Variants in SUCO observed in about 807,000 individuals in gnomAD.
SUCO encodes SUN domain-containing ossification factor.
A neutral mutation model predicts 148.1 loss-of-function variants in SUCO; 57 were observed. The ratio of observed to expected loss-of-function variants is 0.38; its 90% CI spans 0.31 to 0.48. The LOEUF is 0.48. Among genes scored for constraint, SUCO ranks in the 20% least tolerant of loss-of-function variants. The probability of loss-of-function intolerance (pLI) is 0.96; values close to 1 mark genes in which losing one functional copy is unlikely to be tolerated. For synonymous variants in SUCO, 470 were observed against 502.7 expected, an observed-to-expected ratio of 0.93 and a Z score of 0.87; for missense variants, 1,331 against 1,468.2, an observed-to-expected ratio of 0.91 and a Z score of 1.53.
intron 1 of SUCO, among the ~76,000 whole-genome samples, chr1:172,548,661 G>A (rs1653050332): frequency 6.6e-6 from 1 of 151,960 alleles, no homozygotes; most frequent in South Asian, 2.1e-4. Context: ...TTCCAGGCTT[G>A]GGATATTGTT....
At chr1:172,532,912 C>A, upstream of SUCO, 1 of 1,402,976 alleles carries the variant, frequency 7.1e-7, no homozygotes, top group Non-Finnish European at 9.5e-7. Flanking sequence ...AGCATCTGCT[C>A]CTGCGCTTTG....
chr1:172,568,305 T>TGCCCCC, intron 6 of SUCO: 2 of 905,996 alleles, frequency 2.2e-6, no homozygotes, highest in Non-Finnish European at 2.6e-6. Flanking sequence ...ATTCTTTGCT[T>TGCCCCC]CCCACCCACC....
chr1:172,607,263 G>A (rs966614008), intron 22 of SUCO, among the ~76,000 whole-genome samples: 2 of 151,834 alleles, frequency 1.3e-5, no homozygotes, highest in Non-Finnish European at 2.9e-5. Flanking sequence ...CTAGAATATA[G>A]GTTCTTATTT....
At chr1:172,597,039 G>T (rs749186906) in intron 19 of SUCO, among the ~76,000 whole-genome samples, 1 of 152,198 alleles carries the variant, frequency 6.6e-6, no homozygotes, top group Non-Finnish European at 1.5e-5. Context: ...ATCTCAGACT[G>T]CTGTGATAGC....
chr1:172,602,917 CTG>C (rs2149271197), intron 22 of SUCO, 130 bp downstream of exon 22: 2 of 740,728 alleles, frequency 2.7e-6, no homozygotes, highest in African/African-American at 3.5e-5. Context: ...TGTCTTTGTG[CTG>C]TGTCAAGCCA....
intron 9 of SUCO, 70 bp from the exon 10 acceptor site, chr1:172,573,821 G>T: frequency 1.2e-6 from 1 of 856,564 alleles, no homozygotes; most frequent in Non-Finnish European, 1.8e-6. Context: ...TATGGAAACT[G>T]TTAATGTCAT....
chr1:172,602,426 G>A (rs1039335740), intron 21 of SUCO: 2 of 983,358 alleles, frequency 2.0e-6, no homozygotes, highest in Non-Finnish European at 2.4e-6. Context: ...AACACTAATA[G>A]TAAGTGCATG....
chr1:172,535,432 A>G (rs1403359870), intron 1 of SUCO, among the ~76,000 whole-genome samples: 5 of 152,226 alleles, frequency 3.3e-5, no homozygotes, highest in Admixed American at 6.5e-5. Context: ...ATGATGATGA[A>G]TGAGATTGGG....
intron 19 of SUCO, among the ~76,000 whole-genome samples, chr1:172,596,684 G>A (rs1246200003): frequency 6.6e-6 from 1 of 152,210 alleles, no homozygotes; most frequent in African/African-American, 2.4e-5. Flanking sequence ...CATATGAGGT[G>A]TCAGTTGGCC....
Position 172,604,006 on chromosome 1 carries a change from A to G in SUCO, c.3265+1219A>G, listed in dbSNP as rs543261116. ...AAATGGGATTGGTGAATCATAGGGT[A>G]TGTGTGTGTTCAGCTTTAGTAAATA... On this transcript the variant is annotated intron_variant, in intron 22 of 23. Coordinates refer to ENST00000263688, the MANE Select transcript of SUCO (RefSeq NM_014283.5). Among the ~76,000 whole-genome samples, 25 of 152,084 alleles carry G rather than the reference A, an allele frequency of 1.6e-4. No individual in the cohort carries two copies. The East Asian group carries it at 4.6e-3, about 28-fold the overall frequency.
intron 19 of SUCO, among the ~76,000 whole-genome samples, chr1:172,594,074 T>A (rs1571276006): frequency 6.6e-6 from 1 of 152,318 alleles, no homozygotes; most frequent in East Asian, 1.9e-4. Context: ...GAGGTGTTTA[T>A]AGTATTCTCT....
At chr1:172,559,739 T>C (rs991935973) in intron 6 of SUCO, among the ~76,000 whole-genome samples, 2 of 152,180 alleles carry the variant, frequency 1.3e-5, no homozygotes, top group African/African-American at 2.4e-5. Flanking sequence ...GCAGTTGTTA[T>C]GGGAAGGGGT....
chr1:172,602,701 T>C lies in SUCO; in HGVS notation c.3179T>C (p.Phe1060Ser), dbSNP rs1558215068. The change falls in exon 22 of 24, where the codon TTC (phenylalanine) becomes TCC (serine). Residue 1060 changes from phenylalanine (F) to serine (S), a missense_variant. By Grantham distance (155) the Phe-to-Ser change is radical. Around this residue, in one of 3 missense-constraint regions of SUCO, gnomAD observed 334 missense variants for 352.3 expected, o/e 0.95. Transcript: ENST00000263688. Reference sequence around the variant, plus strand: ...TATTTTTCCTAATGTGTTAGGTGTTTCTCTTCCTATGATGATATGAATTTG... The same window carrying C: ...TATTTTTCCTAATGTGTTAGGTGTTCCTCTTCCTATGATGATATGAATTTG... Reference protein sequence around the residue: ...SNQYPSPKRCFSSYDDMNLKR... With the variant: ...SNQYPSPKRCSSSYDDMNLKR... The C allele has an allele frequency of 1.2e-6, 2 of 1,612,328 alleles. No individual in the cohort carries two copies. Among genetic ancestry groups the C allele is most frequent in the Non-Finnish European group, 1.7e-6 (2 of 1,179,472 alleles).
Position 172,589,849 on chromosome 1 carries a change from G to T in SUCO, c.2748G>T (p.Met916Ile), listed in dbSNP as rs750632255. 6.2e-7 allele frequency: 1 copy of T among 1,601,798 alleles called. No homozygotes were observed. The highest frequency in any genetic ancestry group is 1.1e-5 in the South Asian group (1 of 89,706). ...HGSNQKESVF[M>I]RLNNRIKALE... ...CAAACCAAAAGGAGTCAGTATTTATGAGACTTAATAATCGTATTAAAGCCT... is the reference window on the plus strand; with the variant it reads ...CAAACCAAAAGGAGTCAGTATTTATTAGACTTAATAATCGTATTAAAGCCT... The change falls in exon 18 of 24, where the codon ATG becomes ATT. Residue 916 changes from methionine (M) to isoleucine (I), a missense_variant. Transcript: ENST00000263688.
intron 1 of SUCO, 106 bp from the exon 2 acceptor site, chr1:172,551,406 A>G: frequency 3.3e-6 from 2 of 599,120 alleles, no homozygotes; most frequent in East Asian, 3.0e-5. Flanking sequence ...CTGTCTGTTT[A>G]TCGCCTCAAA....
chr1:172,536,292 G>C (rs1238494639), intron 1 of SUCO, among the ~76,000 whole-genome samples: 1 of 152,040 alleles, frequency 6.6e-6, no homozygotes, highest in Admixed American at 6.6e-5. Flanking sequence ...TATATATGTG[G>C]CTCCATCATT....
intron 17 of SUCO, among the ~76,000 whole-genome samples, chr1:172,587,034 C>T (rs1340120661): frequency 1.3e-5 from 2 of 151,894 alleles, no homozygotes; most frequent in African/African-American, 4.8e-5. Context: ...CACGCTATGT[C>T]GTATTTTTCA....
chr1:172,585,837 T>C, intron 16 of SUCO, 21 bp from the exon 17 acceptor site: 1 of 1,474,526 alleles, frequency 6.8e-7, no homozygotes, highest in Non-Finnish European at 9.3e-7. Flanking sequence ...AACTCAACAT[T>C]GGGCATCTTT....
At chr1:172,542,966 G>A in intron 1 of SUCO, 1 of 985,266 alleles carries the variant, frequency 1.0e-6, no homozygotes. Context: ...GAGAATAATA[G>A]AAGATATTTG....
Sources: gnomAD v4.1 joint callset for allele counts (sites outside exome capture counted in the v4.1 genomes callset) on GRCh38, gnomAD v4.1.1 for gene constraint, gnomAD v4.1.1 regional missense constraint, MANE v1.5 for transcripts, NCBI Gene and HGNC (gene_info 2026-07-23, HGNC 2026-07-21) for gene names.